The following NEBL variants were observed in gnomAD, a reference collection of about 807,000 sequenced individuals.
NEBL encodes LIM and SH3 protein 2.
Under a neutral mutation model 140.2 loss-of-function variants are expected in NEBL, and 122 were observed. The observed-to-expected ratio is 0.87, with a 90% CI of 0.75 to 1.01. The LOEUF is 1.01. Among genes scored for constraint, NEBL ranks in the 50% least tolerant of loss-of-function variants. The probability of loss-of-function intolerance (pLI) is 0.00; values close to 1 mark genes in which losing one functional copy is unlikely to be tolerated. For missense variants in NEBL, 1,365 were observed against 1,231.3 expected (o/e 1.11, Z -1.62); for synonymous variants, 436 against 398.9 (o/e 1.09, Z -1.11).
chr10:20,792,331 T>C (rs913904634), intron 26 of NEBL, among the ~76,000 whole-genome samples: 2 of 152,226 alleles, frequency 1.3e-5, no homozygotes, highest in Admixed American at 6.5e-5. Context: ...TTTCTAACAC[T>C]TGACTACTGT....
intron 4 of NEBL, among the ~76,000 whole-genome samples, chr10:20,886,809 A>C (rs567609879): frequency 3.5e-4 from 53 of 152,344 alleles, no homozygotes; most frequent in South Asian, 8.3e-4. Flanking sequence ...TGCATAGAAC[A>C]ACTTCTGTGT....
intron 2 of NEBL, among the ~76,000 whole-genome samples, chr10:21,026,969 G>A (rs1226146413): frequency 6.6e-6 from 1 of 152,198 alleles, no homozygotes; most frequent in Non-Finnish European, 1.5e-5. Context: ...TCTCTAAGGA[G>A]CTTCACTGGT....
At chr10:20,920,657 T>C (rs1833538121) in intron 4 of NEBL, among the ~76,000 whole-genome samples, 1 of 152,130 alleles carries the variant, frequency 6.6e-6, no homozygotes, top group South Asian at 2.1e-4. Flanking sequence ...AAAAAATATT[T>C]ACCAAGTAAA....
At chr10:20,803,812 A>ATAT (rs1564338203) in intron 26 of NEBL, among the ~76,000 whole-genome samples, 158 of 143,578 alleles carry the variant, frequency 1.1e-3, no homozygotes, top group African/African-American at 3.9e-3. Flanking sequence ...CTGTACGAAA[A>ATAT]ATATATATAT....
At chr10:20,789,928 T>C (rs1165079849) in intron 26 of NEBL, among the ~76,000 whole-genome samples, 1 of 150,236 alleles carries the variant, frequency 6.7e-6, no homozygotes, top group African/African-American at 2.5e-5. Flanking sequence ...TATGTGTGTG[T>C]ATATGTGTAT....
At chr10:20,901,762 A>T (rs1847881740), upstream of NEBL, among the ~76,000 whole-genome samples, 1 of 152,072 alleles carries the variant, frequency 6.6e-6, no homozygotes, top group Non-Finnish European at 1.5e-5. Context: ...TGTTTTGATG[A>T]CCGTCTTCCG....
At chr10:20,795,199 G>A (rs1836391589) in intron 26 of NEBL, among the ~76,000 whole-genome samples, 1 of 152,144 alleles carries the variant, frequency 6.6e-6, no homozygotes, top group South Asian at 2.1e-4. Flanking sequence ...TGAAAAGGAG[G>A]CGGTCAACCC....
chr10:21,160,878 A>C (rs1342106372), intron 2 of NEBL, among the ~76,000 whole-genome samples: 1 of 149,696 alleles, frequency 6.7e-6, no homozygotes, highest in African/African-American at 2.5e-5. Flanking sequence ...AAAAAAAAAA[A>C]CATGATATGC....
At chr10:21,083,902 A>C (rs1164837879) in intron 2 of NEBL, among the ~76,000 whole-genome samples, 2 of 152,158 alleles carry the variant, frequency 1.3e-5, no homozygotes, top group African/African-American at 2.4e-5. Flanking sequence ...ACTGGAACAG[A>C]TACTCTGGCA....
upstream of NEBL, among the ~76,000 whole-genome samples, chr10:20,901,687 T>C (rs1489683184): frequency 6.6e-6 from 1 of 152,224 alleles, no homozygotes; most frequent in Non-Finnish European, 1.5e-5. Context: ...AAGAAGAATT[T>C]GTTTGCCTGA....
chr10:21,213,602 T>A (rs1841948219), intron 3 of NEBL, among the ~76,000 whole-genome samples: 1 of 152,130 alleles, frequency 6.6e-6, no homozygotes, highest in South Asian at 2.1e-4. Context: ...ATGAAGATGC[T>A]CTCAGGACTT....
intron 1 of NEBL, among the ~76,000 whole-genome samples, chr10:21,291,309 C>T (rs1455381787): frequency 2.6e-5 from 4 of 151,620 alleles, no homozygotes; most frequent in Non-Finnish European, 5.9e-5. Flanking sequence ...AGTTCAAGAC[C>T]AGCCTGGCCA....
chr10:20,911,361 T>A (rs1848325669), intron 4 of NEBL, among the ~76,000 whole-genome samples: 1 of 152,172 alleles, frequency 6.6e-6, no homozygotes, highest in African/African-American at 2.4e-5. Context: ...GTTGTGAGCA[T>A]TCAACACAGT....
At chr10:21,257,145 T>C (rs1842667873) in intron 1 of NEBL, among the ~76,000 whole-genome samples, 1 of 152,192 alleles carries the variant, frequency 6.6e-6, no homozygotes, top group Non-Finnish European at 1.5e-5. Context: ...GTGTTTTATA[T>C]TAAAATTATA....
At chr10:21,049,232 C>T (rs1244193297) in intron 2 of NEBL, among the ~76,000 whole-genome samples, 1 of 152,140 alleles carries the variant, frequency 6.6e-6, no homozygotes, top group Non-Finnish European at 1.5e-5. Context: ...GGCTGGGTAC[C>T]ATGGCCTAGC....
At chr10:21,226,501 G>A (rs1216507481) in intron 3 of NEBL, among the ~76,000 whole-genome samples, 32 of 152,078 alleles carry the variant, frequency 2.1e-4, no homozygotes, top group Admixed American at 2.1e-3. Context: ...TTTATTTAGA[G>A]CCCCAGAGCA....
chr10:21,282,614 A>C (rs1004460560), intron 1 of NEBL, among the ~76,000 whole-genome samples: 5 of 152,214 alleles, frequency 3.3e-5, no homozygotes, highest in African/African-American at 1.2e-4. Context: ...GGGACTGTGC[A>C]GTGAGGAACT....
intron 3 of NEBL, among the ~76,000 whole-genome samples, chr10:20,964,960 A>G (rs796884113): frequency 1.1e-4 from 17 of 152,360 alleles, no homozygotes; most frequent in African/African-American, 3.8e-4. Context: ...TGTGTTGTAC[A>G]CACGTATGAC....
chr10:21,194,379 C>G (rs931609560), intron 3 of NEBL, among the ~76,000 whole-genome samples: 1 of 152,020 alleles, frequency 6.6e-6, no homozygotes, highest in African/African-American at 2.4e-5. Context: ...AGCATTGATA[C>G]CAAAAGCAAG....
Sources: allele counts gnomAD v4.1 joint callset (sites outside exome capture counted in the v4.1 genomes callset), GRCh38; gene constraint gnomAD v4.1.1; transcripts MANE v1.5; gene names NCBI Gene and HGNC (gene_info 2026-07-23, HGNC 2026-07-21).